HMCN2: variants seen among roughly 807,000 people sequenced by gnomAD.
HMCN2 encodes the protein hemicentin-2.
A neutral mutation model predicts 377.5 loss-of-function variants in HMCN2; 325 were observed. That is an observed-to-expected ratio of 0.86 (90% CI 0.79 to 0.94). HMCN2 has a LOEUF of 0.94. Among genes scored for constraint, HMCN2 ranks in the 40% least tolerant of loss-of-function variants. The pLI is 0.00. For synonymous variants in HMCN2, 2,007 were observed against 2,046.8 expected (o/e 0.98, Z 0.53); for missense variants, 4,543 against 4,725.3 (o/e 0.96, Z 1.13).
intron 1 of HMCN2, among the ~76,000 whole-genome samples, chr9:130,276,237 C>T (rs1251767474): frequency 6.6e-6 from 1 of 152,134 alleles, no homozygotes; most frequent in Non-Finnish European, 1.5e-5. Flanking sequence ...CCCCTGGGGG[C>T]CAGGCAGGGT....
At chr9:130,334,732 C>T (rs1838632352) in intron 22 of HMCN2, among the ~76,000 whole-genome samples, 1 of 138,756 alleles carries the variant, frequency 7.2e-6, no homozygotes, top group East Asian at 2.0e-4. Context: ...TTCTCTCTTT[C>T]TCTCTCTTTC....
intron 1 of HMCN2, among the ~76,000 whole-genome samples, chr9:130,276,417 G>A (rs964155367): frequency 2.0e-5 from 3 of 152,194 alleles, no homozygotes; most frequent in African/African-American, 4.8e-5. Context: ...AGAGCAGGAC[G>A]GGGAACAGCA....
Position 130,429,545 on chromosome 9 carries a change from C to T in HMCN2, c.14198-12C>T, listed in dbSNP as rs767953025. The T allele has an allele frequency of 1.9e-5, 29 of 1,550,260 alleles. No individual in the cohort carries two copies. Among genetic ancestry groups the T allele is most frequent in the Non-Finnish European group, 2.0e-5 (23 of 1,146,858 alleles). ...AGACCTCCCCACCACCGACCATGCC[C>T]CTGCCTCCCAGATGTGGACGAATGC... is the stretch of plus-strand genomic sequence containing the variant. On this transcript the variant is annotated splice_polypyrimidine_tract_variant and intron_variant, in intron 93 of 97. Coordinates refer to ENST00000683500, the MANE Select transcript of HMCN2 (RefSeq NM_001291815.2).
intron 15 of HMCN2, among the ~76,000 whole-genome samples, chr9:130,318,790 G>C (rs928953818): frequency 6.6e-6 from 1 of 152,288 alleles, no homozygotes; most frequent in East Asian, 1.9e-4. Context: ...TAATGTATAA[G>C]GTCACGTTAT....
chr9:130,351,858 C>T lies in HMCN2; in HGVS notation c.4585+281C>T, dbSNP rs900886962. Among the ~76,000 whole-genome samples the T allele has an allele frequency of 6.6e-6, 1 of 151,940 alleles. No homozygotes were observed. The highest frequency in any genetic ancestry group is 1.5e-5 in the Non-Finnish European group (1 of 68,018). On this transcript the variant is annotated intron_variant, in intron 30 of 97. Transcript: ENST00000683500. This position sits in a 1 kb window ranked among gnomAD's most constrained non-coding sequence, Gnocchi z 5.4. ...ATGAATTCTCTCTCTGTTGCCTAGG[C>T]TGGAGCGCAGTGGCACCATCTTGGC...
At chr9:130,336,642 C>T (rs1400090232) in intron 22 of HMCN2, among the ~76,000 whole-genome samples, 6 of 152,152 alleles carry the variant, frequency 3.9e-5, no homozygotes, top group African/African-American at 1.4e-4. Flanking sequence ...CACAGCCATC[C>T]TCAGAGAACT....
Position 130,349,169 on chromosome 9 carries a change from C to T in HMCN2, c.4303+38C>T, listed in dbSNP as rs546968587. The stretch of plus-strand genomic sequence containing the variant: ...TGAGCCCTGTAACTCCCAAGTGTGT[C>T]TGGCCCTGTAGCCCCAACTCTTGCA... On this transcript the variant is annotated intron_variant, in intron 28 of 97. Coordinates refer to ENST00000683500, the MANE Select transcript of HMCN2 (RefSeq NM_001291815.2). 3.9e-6 allele frequency: 5 copies of T among 1,293,340 alleles called. No individual in the cohort carries two copies. The African/African-American group carries it at 6.1e-5, about 16-fold the overall frequency. 80.1% of individuals were successfully genotyped at this position (1,293,340 alleles called of 1,614,324 possible). A position where few individuals can be genotyped will look rare whatever the true frequency, so the allele number is the denominator to read the frequency against.
intron 1 of HMCN2, among the ~76,000 whole-genome samples, chr9:130,282,204 G>A (rs184688995): frequency 6.9e-4 from 105 of 152,340 alleles, no homozygotes; most frequent in African/African-American, 2.4e-3. Context: ...GCACGCTCAC[G>A]TTAGCAGTGC....
Position 130,345,164 on chromosome 9 carries a change from T to G in HMCN2, c.3830-2002T>G, listed in dbSNP as rs1250782668. Among the ~76,000 whole-genome samples, 9 of 148,830 alleles carry G rather than the reference T, an allele frequency of 6.0e-5. No homozygotes were observed. In the East Asian group the frequency reaches 1.8e-3, roughly 30 times the overall value. On this transcript the variant is annotated intron_variant, in intron 25 of 97. Coordinates refer to ENST00000683500, the MANE Select transcript of HMCN2 (RefSeq NM_001291815.2). Reference sequence around the variant, plus strand: ...CAGTGTTTGGTGTGTATATTGTGTGTGGTGTGTGTATGGTGGTGTGTGTAG... The same window carrying G: ...CAGTGTTTGGTGTGTATATTGTGTGGGGTGTGTGTATGGTGGTGTGTGTAG...
rs147455695 is a variant in HMCN2 at position 130,390,186 on chromosome 9, C to G, written c.9524-791C>G. ...GGCTCCCGTGGTCACCTCTGCTCCC[C>G]CCGGCTGACTACTGCTCAACATTCA... On this transcript the variant is annotated intron_variant, in intron 62 of 97. Transcript: ENST00000683500. Among the ~76,000 whole-genome samples, 30 of 152,292 alleles carry G rather than the reference C, an allele frequency of 2.0e-4. No individual in the cohort carries two copies. The East Asian group carries it at 5.4e-3, about 27-fold the overall frequency.
chr9:130,431,871 G>A (rs895535764), intron 96 of HMCN2, among the ~76,000 whole-genome samples: 5 of 152,224 alleles, frequency 3.3e-5, no homozygotes, highest in Admixed American at 1.3e-4. Flanking sequence ...GCACAGAGCC[G>A]CACAGCTGCT....
In HMCN2 at chr9:130,404,902, T is replaced by C; in HGVS notation, c.12182T>C (p.Leu4061Pro). ...PPVIENGLPDLSTTEGSHAFL... is the reference protein window; with the variant it reads ...PPVIENGLPDPSTTEGSHAFL... ...GTGATCGAGAATGGCCTCCCAGACC[T>C]GTCCACCACCGAAGGCTCCCACGCC... The change falls in exon 81 of 98, where the codon CTG becomes CCG. Residue 4061 changes from leucine (L) to proline (P), a missense_variant. By Grantham distance (98) the Leu-to-Pro change is moderately conservative. Transcript: ENST00000683500. The C allele has an allele frequency of 1.6e-6, 2 of 1,283,226 alleles. No individual in the cohort carries two copies. Among genetic ancestry groups the C allele is most frequent in the South Asian group, 2.5e-5 (2 of 79,518 alleles). The allele number at this position is 1,283,226 out of a possible 1,614,324, so 79.5% of individuals were successfully genotyped here. A position where few individuals can be genotyped will look rare whatever the true frequency, so the allele number is the denominator to read the frequency against.
At chr9:130,332,089 A>G (rs1442468246) in intron 22 of HMCN2, among the ~76,000 whole-genome samples, 1 of 152,042 alleles carries the variant, frequency 6.6e-6, no homozygotes, top group Non-Finnish European at 1.5e-5. Context: ...AAAGCAGCTC[A>G]CTGCTCTCTG....
chr9:130,336,277 T>C (rs1223417413), intron 22 of HMCN2, among the ~76,000 whole-genome samples: 1 of 152,224 alleles, frequency 6.6e-6, no homozygotes. Context: ...GCCCTACATA[T>C]ATACTCATGA....
At position 130,394,589 on chromosome 9, in the gene HMCN2, C is replaced by A; in HGVS notation, c.10692+14C>A. On this transcript the variant is annotated intron_variant, in intron 69 of 97. Coordinates refer to ENST00000683500, the MANE Select transcript of HMCN2 (RefSeq NM_001291815.2). The surrounding 1 kb of genome is among the most constrained non-coding windows in gnomAD (Gnocchi z 5.1). ...GAGAATGTGCAGGTACCAGTGCCGC[C>A]GCCATGGGGCGAGGCTGGGGGTTGG... 1 of 1,272,794 alleles carries A rather than the reference C, an allele frequency of 7.9e-7. No individual in the cohort carries two copies. Among genetic ancestry groups the A allele is most frequent in the Non-Finnish European group, 1.0e-6 (1 of 978,626 alleles). The allele number at this position is 1,272,794 out of a possible 1,614,324, so 78.8% of individuals were successfully genotyped here.
intron 22 of HMCN2, among the ~76,000 whole-genome samples, chr9:130,334,141 G>C (rs1211735321): frequency 3.9e-5 from 6 of 152,218 alleles, no homozygotes; most frequent in African/African-American, 1.4e-4. Flanking sequence ...GTCCCAGGTA[G>C]AAGGAACAGC....
intron 19 of HMCN2, among the ~76,000 whole-genome samples, chr9:130,322,461 C>T: frequency 6.6e-6 from 1 of 152,208 alleles, no homozygotes; most frequent in South Asian, 2.1e-4. Flanking sequence ...GTCTTGGCAC[C>T]TAAGTGTTTC....
At chr9:130,324,760 G>T (rs1838036990) in intron 19 of HMCN2, among the ~76,000 whole-genome samples, 1 of 151,828 alleles carries the variant, frequency 6.6e-6, no homozygotes, top group Admixed American at 6.6e-5. Flanking sequence ...GGGTAGCTGG[G>T]ACTGCAGGCG....
In HMCN2 at chr9:130,269,016, G is replaced by A. The variant is rs908322379; in HGVS notation, c.259+2879G>A. On this transcript the variant is annotated intron_variant, in intron 1 of 97. Coordinates refer to ENST00000683500, the MANE Select transcript of HMCN2 (RefSeq NM_001291815.2). ...ATCCCCTTTGGTGGAAGAGGAACTT[G>A]AGAAACGGGTTGTAGCTGTTTGTTC... Among the ~76,000 whole-genome samples, 10 of 148,626 alleles carry A rather than the reference G, an allele frequency of 6.7e-5. 1 individual carries two copies. The highest frequency in any genetic ancestry group is 9.1e-5 in the Non-Finnish European group (6 of 66,254).
Sources: allele counts gnomAD v4.1 joint callset (sites outside exome capture counted in the v4.1 genomes callset), GRCh38; gene constraint gnomAD v4.1.1; non-coding constraint Gnocchi (gnomAD v3.1); transcripts MANE v1.5; gene names NCBI Gene and HGNC (gene_info 2026-07-23, HGNC 2026-07-21).